RSBN1L: variants seen among roughly 807,000 people sequenced by gnomAD.
The protein encoded by RSBN1L is round spermatid basic protein 1 like, also known as lysine-specific demethylase RSBN1L.
Under a neutral mutation model 67.7 loss-of-function variants are expected in RSBN1L, and 30 were observed. That is an observed-to-expected ratio of 0.44 (90% CI 0.33 to 0.60). The LOEUF (loss-of-function observed/expected upper bound fraction) is 0.60. Ranked by LOEUF, RSBN1L falls within the 20% of genes least tolerant of loss-of-function variation. The pLI is 0.02. For synonymous variants in RSBN1L, 433 were observed against 387.0 expected (o/e 1.12, Z -1.39); for missense variants, 992 against 1,031.7 (o/e 0.96, Z 0.53).
At chr7:77,751,806 T>C (rs1251590942) in intron 3 of RSBN1L, among the ~76,000 whole-genome samples, 1 of 152,238 alleles carries the variant, frequency 6.6e-6, no homozygotes, top group Non-Finnish European at 1.5e-5. Flanking sequence ...TATCACCTTA[T>C]CATTCATTTG....
At position 77,697,053 on chromosome 7, in the gene RSBN1L, G is replaced by C. The variant is rs1242201122; in HGVS notation, c.584G>C (p.Arg195Pro). Residue 195 changes from arginine (R) to proline (P), a missense_variant and splice_region_variant, in exon 1 of 8, where the codon CGA becomes CCA. By Grantham distance (103) the Arg-to-Pro change is moderately radical. Coordinates refer to ENST00000334955, the MANE Select transcript of RSBN1L (RefSeq NM_198467.3). ...AACGGGGAGGTGAAGCCGCTGCCCC[G>C]AGGTGGGTGCCGTGCGGGGAGGGGG... is the stretch of plus-strand genomic sequence containing the variant. ...EENGEVKPLP[R>P]DKIKDKIKER... 6 of 1,474,566 alleles carry C rather than the reference G, an allele frequency of 4.1e-6. No homozygotes were observed. The allele number at this position is 1,474,566 out of a possible 1,614,324, so 91.3% of individuals were successfully genotyped here.
intron 6 of RSBN1L, among the ~76,000 whole-genome samples, chr7:77,774,353 G>A (rs969891223): frequency 6.6e-4 from 101 of 152,274 alleles, no homozygotes; most frequent in African/African-American, 2.3e-3. Context: ...TTGGGAGGCC[G>A]AGGTGGGTGG....
intron 1 of RSBN1L, among the ~76,000 whole-genome samples, chr7:77,706,042 G>T (rs893138546): frequency 2.0e-5 from 3 of 150,462 alleles, no homozygotes; most frequent in African/African-American, 7.3e-5. Flanking sequence ...GGGATTACAG[G>T]TGCCTGCCAC....
Position 77,781,159 on chromosome 7 carries a change from AG to A in RSBN1L, c.*1992del, listed in dbSNP as rs1237609757. 6.6e-6 allele frequency: 1 copy of A among 152,224 alleles called. No homozygotes were observed. The highest frequency in any genetic ancestry group is 1.5e-5 in the Non-Finnish European group (1 of 68,034). The allele number at this position is 152,224 out of a possible 1,614,324, so 9.4% of individuals were successfully genotyped here. On this transcript the variant is annotated 3_prime_UTR_variant, in exon 8 of 8. Transcript: ENST00000334955. ...AGCAATGATGTCAGTTTTGGCCCCT[AG>A]TTTAATAAAAGGATAGGCAAATATC...
intron 1 of RSBN1L, among the ~76,000 whole-genome samples, chr7:77,700,148 G>T (rs535547117): frequency 6.6e-6 from 1 of 152,244 alleles, no homozygotes; most frequent in South Asian, 2.1e-4. Flanking sequence ...GCTTACGGAG[G>T]TAATTTACTG....
intron 3 of RSBN1L, among the ~76,000 whole-genome samples, chr7:77,757,376 T>C (rs1219225226): frequency 2.0e-5 from 3 of 152,228 alleles, no homozygotes; most frequent in Non-Finnish European, 2.9e-5. Flanking sequence ...TGTGGTATTA[T>C]ATATATTTTA....
rs1308941941 is a variant in RSBN1L, at chr7:77,781,269, G to T, written c.*2101G>T. ...GATAGGGAAGGTATAAATCAAGATA[G>T]TAAGGGTTTTGTTTTATATGTCATT... On this transcript the variant is annotated 3_prime_UTR_variant, in exon 8 of 8. Transcript: ENST00000334955. 6.6e-6 allele frequency: 1 copy of T among 152,196 alleles called. No individual in the cohort carries two copies. Among genetic ancestry groups the T allele is most frequent in the African/African-American group, 2.4e-5 (1 of 41,458 alleles). The allele number at this position is 152,196 out of a possible 1,614,324, so 9.4% of individuals were successfully genotyped here. A position where few individuals can be genotyped will look rare whatever the true frequency, so the allele number is the denominator to read the frequency against.
intron 2 of RSBN1L, among the ~76,000 whole-genome samples, chr7:77,746,034 C>T (rs746484366): frequency 9.2e-5 from 14 of 152,176 alleles, no homozygotes; most frequent in Non-Finnish European, 1.0e-4. Context: ...TTCGCTGGCT[C>T]GCCCACTGCT....
At chr7:77,712,632 T>G (rs938235984) in intron 1 of RSBN1L, among the ~76,000 whole-genome samples, 4 of 152,234 alleles carry the variant, frequency 2.6e-5, no homozygotes, top group Non-Finnish European at 5.9e-5. Flanking sequence ...TGCAACCTGC[T>G]TTTTTCATTT....
chr7:77,769,848 T>G (rs1270065550), intron 5 of RSBN1L, among the ~76,000 whole-genome samples: 1 of 152,218 alleles, frequency 6.6e-6, no homozygotes, highest in East Asian at 1.9e-4. Context: ...AGAAACAATT[T>G]TTTATATATT....
At position 77,779,263 on chromosome 7, in the gene RSBN1L, C is replaced by T; in HGVS notation, c.*95C>T. ...GCAAGCCAAGGACTTGCTCCTATGT[C>T]TGTTACAAAACATAGTTTATGTAGC... On this transcript the variant is annotated 3_prime_UTR_variant, in exon 8 of 8. Transcript: ENST00000334955. The T allele has an allele frequency of 1.2e-6, 1 of 846,888 alleles. No homozygotes were observed. Among genetic ancestry groups the T allele is most frequent in the Non-Finnish European group, 1.8e-6 (1 of 549,972 alleles). The allele number at this position is 846,888 out of a possible 1,614,324, so 52.5% of individuals were successfully genotyped here.
chr7:77,716,915 G>C (rs962410378), intron 1 of RSBN1L, among the ~76,000 whole-genome samples: 1 of 151,190 alleles, frequency 6.6e-6, no homozygotes, highest in African/African-American at 2.4e-5. Flanking sequence ...ACAGGCATGA[G>C]GCATGAGGCA....
At chr7:77,729,011 T>G (rs1791242026) in intron 1 of RSBN1L, among the ~76,000 whole-genome samples, 1 of 152,026 alleles carries the variant, frequency 6.6e-6, no homozygotes, top group African/African-American at 2.4e-5. Flanking sequence ...GCCACTGTCC[T>G]TATTTATTTA....
At chr7:77,724,956 C>T (rs1263959974) in intron 1 of RSBN1L, among the ~76,000 whole-genome samples, 1 of 151,110 alleles carries the variant, frequency 6.6e-6, no homozygotes, top group African/African-American at 2.4e-5. Flanking sequence ...GGTTCTCCTG[C>T]CTCAGCCTCC....
At chr7:77,775,381 A>G (rs1584306604) in intron 6 of RSBN1L, among the ~76,000 whole-genome samples, 2 of 152,252 alleles carry the variant, frequency 1.3e-5, no homozygotes, top group South Asian at 2.1e-4. Context: ...CTAAAAATAC[A>G]AAAATTAGCT....
At chr7:77,697,391 G>A in intron 1 of RSBN1L, 1 of 245,820 alleles carries the variant, frequency 4.1e-6, no homozygotes, top group East Asian at 7.5e-5. Context: ...CGGGATGGGG[G>A]AAGGGTTTGG....
At chr7:77,746,056 G>A (rs1427628880) in intron 2 of RSBN1L, among the ~76,000 whole-genome samples, 1 of 152,204 alleles carries the variant, frequency 6.6e-6, no homozygotes, top group Admixed American at 6.5e-5. Context: ...ACCTCCTGCT[G>A]TGTGGCCTAG....
rs56187940 is a variant in RSBN1L, at chr7:77,705,510, G to GT, written c.586+8474dup. Among the ~76,000 whole-genome samples the GT allele has an allele frequency of 6.9e-3, 768 of 111,430 alleles. 12 individuals carry two copies. The highest frequency in any genetic ancestry group is 8.4e-3 in the Non-Finnish European group (496 of 58,712). 73.1% of individuals were successfully genotyped at this position (111,430 alleles called of 152,430 possible). A position where few individuals can be genotyped will look rare whatever the true frequency, so the allele number is the denominator to read the frequency against. On this transcript the variant is annotated intron_variant, in intron 1 of 7. Transcript: ENST00000334955. ...ACCACTAGGTCTCTCCATTGTAATG[G>GT]TTTTTTTTTTTTTTTTTTTGTGATG...
chr7:77,775,236 T>TA (rs1327817745), intron 6 of RSBN1L, among the ~76,000 whole-genome samples: 1 of 152,006 alleles, frequency 6.6e-6, no homozygotes, highest in East Asian at 1.9e-4. Flanking sequence ...TTTAATTTTT[T>TA]AAAAAAAGGA....
Sources: gnomAD v4.1 joint callset for allele counts (sites outside exome capture counted in the v4.1 genomes callset) on GRCh38, gnomAD v4.1.1 for gene constraint, MANE v1.5 for transcripts, NCBI Gene and HGNC (gene_info 2026-07-23, HGNC 2026-07-21) for gene names.